LIG1: variants seen among roughly 807,000 people sequenced by gnomAD.
LIG1 encodes DNA ligase 1, also known as ligase I, DNA, ATP-dependent.
LIG1 carries 70 observed loss-of-function variants against 115.7 expected under a neutral mutation model. That is an observed-to-expected ratio of 0.60 (90% confidence interval 0.50 to 0.74). LIG1 has a LOEUF of 0.74. LIG1 is among the 30% of genes least tolerant of loss of function. The pLI is 0.00. For synonymous variants in LIG1, 487 were observed against 495.3 expected, an observed-to-expected ratio of 0.98 and a Z score of 0.22; for missense variants, 1,115 against 1,225.6, an observed-to-expected ratio of 0.91 and a Z score of 1.35.
intron 1 of LIG1, chr19:48,169,964 G>A (rs1351115207): frequency 2.7e-5 from 6 of 218,788 alleles, no homozygotes; most frequent in East Asian, 2.1e-4. Flanking sequence ...CTTTCCAGGT[G>A]AACTCGCACC....
In LIG1 at chr19:48,115,735, G is replaced by C. The variant is rs981416275; in HGVS notation, c.2677-3C>G. 2 of 1,612,306 alleles carry C rather than the reference G, an allele frequency of 1.2e-6. No individual in the cohort carries two copies. The highest frequency in any genetic ancestry group is 2.7e-5 in the African/African-American group (2 of 74,880). ...TGCTTCCGGTACAAACAGGCCACCT[G>C]CGGAGAGAGGGTGGGACGGGGTGGT... is the stretch of plus-strand genomic sequence containing the variant. On this transcript the variant is annotated splice_polypyrimidine_tract_variant and splice_region_variant and intron_variant, in intron 27 of 27. Coordinates refer to ENST00000263274, the MANE Select transcript of LIG1 (RefSeq NM_000234.3).
intron 9 of LIG1, among the ~76,000 whole-genome samples, chr19:48,144,441 C>T (rs542059981): frequency 1.4e-4 from 22 of 152,264 alleles, no homozygotes; most frequent in African/African-American, 4.6e-4. Flanking sequence ...TCCCGGGTGT[C>T]GCAAAGTGCC....
At chr19:48,133,206 A>C (rs944209495) in intron 17 of LIG1, 109 bp from the exon 18 acceptor site, 1 of 790,108 alleles carries the variant, frequency 1.3e-6, no homozygotes, top group Non-Finnish European at 2.2e-6. Context: ...CTTTCTTGCT[A>C]TTCAGTCACG....
intron 25 of LIG1, among the ~76,000 whole-genome samples, chr19:48,118,726 G>A (rs909368198): frequency 6.6e-6 from 1 of 151,916 alleles, no homozygotes; most frequent in African/African-American, 2.4e-5. Flanking sequence ...TTTCTTCATA[G>A]CAGTATGAGT....
intron 20 of LIG1, 122 bp downstream of exon 20, chr19:48,127,788 G>C (rs753704771): frequency 3.3e-5 from 28 of 854,080 alleles, no homozygotes; most frequent in Non-Finnish European, 4.9e-5. Flanking sequence ...GCAGAAGGCT[G>C]AGAGAAGTGC....
chr19:48,149,083 G>A (rs1042141635), intron 9 of LIG1, among the ~76,000 whole-genome samples: 4 of 152,216 alleles, frequency 2.6e-5, no homozygotes, highest in South Asian at 2.1e-4. Context: ...GCCGAGGTGG[G>A]TGGGTCACCT....
At chr19:48,152,922 C>T (rs369189797) in intron 6 of LIG1, among the ~76,000 whole-genome samples, 21 of 152,178 alleles carry the variant, frequency 1.4e-4, no homozygotes, top group Admixed American at 1.2e-3. Flanking sequence ...ACAGGCTGGG[C>T]GCAGTGGCTC....
At position 48,135,672 on chromosome 19, in the gene LIG1, G is replaced by A. The variant is rs200685166; in HGVS notation, c.1523+8C>T. ...CCCTGGCAACTCCACCCACTGCCCA[G>A]CTCTCACCAGAACGTCTGCTTCAGG... is the stretch of plus-strand genomic sequence containing the variant. On this transcript the variant is annotated splice_region_variant and intron_variant, in intron 16 of 27. Coordinates refer to ENST00000263274, the MANE Select transcript of LIG1 (RefSeq NM_000234.3). The A allele has an allele frequency of 4.3e-6, 7 of 1,611,436 alleles. No homozygotes were observed. In the Admixed American group the frequency reaches 8.3e-5, roughly 19 times the overall value.
intron 9 of LIG1, among the ~76,000 whole-genome samples, chr19:48,144,313 G>A (rs1045844852): frequency 6.6e-6 from 1 of 152,186 alleles, no homozygotes; most frequent in Non-Finnish European, 1.5e-5. Context: ...GTGGGCAGCA[G>A]GGGACGAGCA....
rs551805411 is a variant in LIG1 at position 48,135,979 on chromosome 19, G to A, written c.1423+55C>T. 1.3e-3 allele frequency: 1,794 copies of A among 1,430,252 alleles called. 33 individuals are homozygous for A. Among genetic ancestry groups the A allele is most frequent in the Non-Finnish European group, 2.3e-4 (242 of 1,045,698 alleles). 88.6% of individuals were successfully genotyped at this position (1,430,252 alleles called of 1,614,324 possible). A position where few individuals can be genotyped will look rare whatever the true frequency, so the allele number is the denominator to read the frequency against. On this transcript the variant is annotated intron_variant, in intron 15 of 27. Transcript: ENST00000263274. ...GGGCATGGGCCTCTGAAGAGGAGGG[G>A]GGAAGCCTGAGGTAACTCCAGCGAG...
intron 19 of LIG1, among the ~76,000 whole-genome samples, chr19:48,130,868 G>A (rs1323785912): frequency 6.6e-6 from 1 of 152,174 alleles, no homozygotes; most frequent in Non-Finnish European, 1.5e-5. Context: ...CAGCCAAGTC[G>A]GTGCTGGGGT....
intron 4 of LIG1, among the ~76,000 whole-genome samples, chr19:48,159,897 T>C (rs762122972): frequency 7.2e-5 from 11 of 152,108 alleles, no homozygotes; most frequent in Non-Finnish European, 1.3e-4. Context: ...TTTTGTATTT[T>C]TGATAGAGAC....
chr19:48,121,779 C>T (rs1390362345), intron 23 of LIG1, among the ~76,000 whole-genome samples: 1 of 152,084 alleles, frequency 6.6e-6, no homozygotes, highest in Non-Finnish European at 1.5e-5. Flanking sequence ...CCAGCCTGGG[C>T]AATGAGAGTG....
intron 21 of LIG1, chr19:48,123,622 G>A (rs976273095): frequency 2.3e-6 from 1 of 432,986 alleles, no homozygotes; most frequent in Admixed American, 3.6e-5. Flanking sequence ...TTTGTTTTTT[G>A]TTTTTGTTTT....
At chr19:48,143,512 GCCCCCCA>G in intron 11 of LIG1, 24 bp downstream of exon 11, 1 of 1,055,890 alleles carries the variant, frequency 9.5e-7, no homozygotes, top group Non-Finnish European at 1.4e-6. Flanking sequence ...AAGCGACCCC[GCCCCCCA>G]CCCAGGCAGT....
chr19:48,133,159 G>A (rs550788581), intron 17 of LIG1, 62 bp from the exon 18 acceptor site: 3 of 1,098,874 alleles, frequency 2.7e-6, no homozygotes, highest in African/African-American at 3.1e-5. Flanking sequence ...GGGGAACATG[G>A]AGAGGAGAAC....
At chr19:48,163,773 T>C (rs1363054291) in intron 2 of LIG1, among the ~76,000 whole-genome samples, 7 of 151,754 alleles carry the variant, frequency 4.6e-5, no homozygotes, top group Non-Finnish European at 8.8e-5. Context: ...GAAACCCTGC[T>C]TCTACTAAAA....
At chr19:48,132,648 G>A (rs185138442) in intron 18 of LIG1, among the ~76,000 whole-genome samples, 10 of 151,794 alleles carry the variant, frequency 6.6e-5, no homozygotes, top group East Asian at 5.8e-4. Flanking sequence ...AAAATTAGCC[G>A]GGCACGGTAG....
rs914400573 is a variant in LIG1 at position 48,122,026 on chromosome 19, T to C, written c.2233-704A>G. Among the ~76,000 whole-genome samples, 4 of 152,192 alleles carry C rather than the reference T, an allele frequency of 2.6e-5. No individual in the cohort carries two copies. The highest frequency in any genetic ancestry group is 5.9e-5 in the Non-Finnish European group (4 of 68,024). ...CAGCCCTGGGGGCACAACAGTGCTA[T>C]TTCCTGAGACAGGAAAGGTCTGTGC... On this transcript the variant is annotated intron_variant, in intron 23 of 27. Transcript: ENST00000263274. The surrounding 1 kb of genome is among the most constrained non-coding windows in gnomAD (Gnocchi z 4.3).
Sources: gnomAD v4.1 joint callset for allele counts (sites outside exome capture counted in the v4.1 genomes callset) on GRCh38, gnomAD v4.1.1 for gene constraint, Gnocchi (gnomAD v3.1) non-coding constraint, MANE v1.5 for transcripts, NCBI Gene and HGNC (gene_info 2026-07-23, HGNC 2026-07-21) for gene names.